The following ALLC variants were observed in gnomAD, a reference collection of about 807,000 sequenced individuals.
ALLC encodes allantoicase, also known as probable inactive allantoicase.
A neutral mutation model predicts 45.0 loss-of-function variants in ALLC; 40 were observed. The observed-to-expected ratio is 0.89, with a 90% CI of 0.69 to 1.16. The LOEUF (loss-of-function observed/expected upper bound fraction) is 1.16. Among genes scored for constraint, ALLC ranks in the 50% most tolerant of loss-of-function variants. The pLI is 0.00. For synonymous variants in ALLC, 176 were observed against 178.1 expected (o/e 0.99, Z 0.09); for missense variants, 488 against 493.1 (o/e 0.99, Z 0.10).
At chr2:3,648,311 C>T in the ALLC span, among the ~76,000 whole-genome samples, 1 of 152,230 alleles carries the variant, frequency 6.6e-6, no homozygotes, top group African/African-American at 2.4e-5. Context: ...GTCTTCCCAT[C>T]TGTCTTTGAT....
At position 3,702,524 on chromosome 2, in the gene ALLC, C is replaced by A; in HGVS notation, c.1137C>A (p.Pro379=). 1 of 1,605,182 alleles carries A rather than the reference C, an allele frequency of 6.2e-7. No individual in the cohort carries two copies. The highest frequency in any genetic ancestry group is 8.5e-7 in the Non-Finnish European group (1 of 1,176,464). ...SICLLRPREK[P]MLKFSVSFKA... ...GCCTCCTGAGGCCCCGGGAGAAGCC[C>A]ATGTTGAAGTTCTCGGTGAGCTTCA... The change falls in exon 12 of 12, where the codon CCC becomes CCA. Residue 379 remains proline (P), a synonymous_variant. Coordinates refer to ENST00000252505, the MANE Select transcript of ALLC (RefSeq NM_018436.4).
At chr2:3,702,338 A>G in intron 11 of ALLC, 25 bp from the exon 12 acceptor site, 1 of 1,608,390 alleles carries the variant, frequency 6.2e-7, no homozygotes, top group East Asian at 2.2e-5. Context: ...ACAGACTAGG[A>G]CCTCTGCATC....
At chr2:3,702,337 G>T in intron 11 of ALLC, 26 bp from the exon 12 acceptor site, 1 of 1,608,370 alleles carries the variant, frequency 6.2e-7, no homozygotes, top group Non-Finnish European at 8.5e-7. Context: ...AACAGACTAG[G>T]ACCTCTGCAT....
At chr2:3,681,773 G>A (rs1667186936) in intron 6 of ALLC, 60 bp downstream of exon 6, 24 of 1,327,518 alleles carry the variant, frequency 1.8e-5, no homozygotes, top group African/African-American at 2.9e-5. Flanking sequence ...TAGGGAAACT[G>A]CTCTGCACAC....
intron 6 of ALLC, 77 bp downstream of exon 6, chr2:3,681,790 G>A (rs1432858469): frequency 5.8e-6 from 7 of 1,199,262 alleles, no homozygotes; most frequent in Non-Finnish European, 8.3e-6. Flanking sequence ...ACACCTGGCT[G>A]TGCAAGGCGA....
upstream of ALLC, among the ~76,000 whole-genome samples, chr2:3,656,345 C>T (rs1666438572): frequency 6.6e-6 from 1 of 152,200 alleles, no homozygotes; most frequent in Non-Finnish European, 1.5e-5. Flanking sequence ...GCTCTGGGAC[C>T]ACCTCTCTGC....
At chr2:3,683,550 C>T (rs912864337) in intron 7 of ALLC, among the ~76,000 whole-genome samples, 23 of 152,180 alleles carry the variant, frequency 1.5e-4, no homozygotes, top group Admixed American at 3.3e-4. Context: ...TAGCTATCAT[C>T]CCTCATCTTC....
intron 4 of ALLC, among the ~76,000 whole-genome samples, chr2:3,679,083 C>T (rs190228237): frequency 1.5e-3 from 223 of 152,260 alleles, no homozygotes; most frequent in Admixed American, 2.9e-3. Context: ...TCAAAATATA[C>T]CTTCTGAAGT....
chr2:3,674,303 A>G (rs1334351307), intron 3 of ALLC, among the ~76,000 whole-genome samples, 178 bp downstream of exon 3: 1 of 152,238 alleles, frequency 6.6e-6, no homozygotes, highest in Non-Finnish European at 1.5e-5. Context: ...AAAACATAGC[A>G]GAGACAGGGA....
intron 10 of ALLC, among the ~76,000 whole-genome samples, chr2:3,699,013 A>AT (rs771076321): frequency 3.2e-4 from 48 of 152,000 alleles, no homozygotes; most frequent in South Asian, 8.3e-4. Context: ...GAAAGACGGC[A>AT]TTTTATCTGT....
intron 8 of ALLC, 126 bp from the exon 9 acceptor site, chr2:3,696,149 C>T: frequency 1.1e-6 from 1 of 875,290 alleles, no homozygotes; most frequent in South Asian, 2.0e-5. Flanking sequence ...GAAACATTAA[C>T]TTTAATGAAA....
At chr2:3,651,995 G>T in the ALLC span, among the ~76,000 whole-genome samples, 2,943 of 152,302 alleles carry the variant, frequency 0.019, 73 homozygotes, top group African/African-American at 0.058. Flanking sequence ...CAGCTCAGCA[G>T]TTCGGAACCA....
chr2:3,702,261 C>T (rs1224113885), intron 11 of ALLC, 102 bp from the exon 12 acceptor site: 1 of 941,614 alleles, frequency 1.1e-6, no homozygotes, highest in Non-Finnish European at 1.6e-6. Flanking sequence ...TTTAAAGCCC[C>T]TTCGGTTAAG....
intron 2 of ALLC, among the ~76,000 whole-genome samples, chr2:3,673,817 T>C (rs1558538061): frequency 6.6e-6 from 1 of 152,062 alleles, no homozygotes; most frequent in Non-Finnish European, 1.5e-5. Context: ...GCTTCTTGAG[T>C]GTAAGATGTT....
In ALLC at chr2:3,671,125, A is replaced by G. The variant is rs1666857259; in HGVS notation, c.-33A>G. ...CACGGCTGATGCTCCGAAGGAGGGA[A>G]GACTGACCCGGTTTCTGGACTTCAC... On this transcript the variant is annotated 5_prime_UTR_variant, in exon 2 of 12. Coordinates refer to ENST00000252505, the MANE Select transcript of ALLC (RefSeq NM_018436.4). 2 of 1,606,928 alleles carry G rather than the reference A, an allele frequency of 1.2e-6. No homozygotes were observed. The highest frequency in any genetic ancestry group is 1.7e-5 in the Admixed American group (1 of 59,112).
At chr2:3,668,527 T>C (rs79165561) in intron 1 of ALLC, among the ~76,000 whole-genome samples, 3,499 of 150,098 alleles carry the variant, frequency 0.023, 112 homozygotes, top group African/African-American at 0.067. Flanking sequence ...CCTCTCCCTC[T>C]CTGCCTCTGT....
At chr2:3,677,664 G>A (rs532170710) in intron 3 of ALLC, among the ~76,000 whole-genome samples, 2 of 152,230 alleles carry the variant, frequency 1.3e-5, no homozygotes, top group South Asian at 2.1e-4. Flanking sequence ...GGAGTCTGGC[G>A]GGATCCCTGG....
At chr2:3,655,058 C>T (rs953423921), upstream of ALLC, among the ~76,000 whole-genome samples, 48 of 152,372 alleles carry the variant, frequency 3.2e-4, no homozygotes, top group African/African-American at 1.2e-3. Context: ...CCTCTGCGGA[C>T]AGGAACTGCT....
At chr2:3,663,679 T>C (rs1282233605) in intron 1 of ALLC, among the ~76,000 whole-genome samples, 2 of 152,200 alleles carry the variant, frequency 1.3e-5, no homozygotes, top group Non-Finnish European at 2.9e-5. Flanking sequence ...TGCAGTGTCA[T>C]TGAGGGTTTC....
Sources: allele counts gnomAD v4.1 joint callset (sites outside exome capture counted in the v4.1 genomes callset), GRCh38; gene constraint gnomAD v4.1.1; transcripts MANE v1.5; gene names NCBI Gene and HGNC (gene_info 2026-07-23, HGNC 2026-07-21).